The following PSMD2 variants were observed in gnomAD, a reference collection of about 807,000 sequenced individuals.
PSMD2 encodes proteasome 26S subunit ubiquitin receptor, non-ATPase 2.
PSMD2 carries 8 observed loss-of-function variants against 101.5 expected under a neutral mutation model. That is an observed-to-expected ratio of 0.08 (90% confidence interval 0.05 to 0.14). The LOEUF is 0.14. Ranked by LOEUF, PSMD2 falls within the 10% of genes least tolerant of loss-of-function variation. PSMD2 has a pLI of 1.00. For missense variants in PSMD2, 784 were observed against 1,147.4 expected (o/e 0.68, Z 4.58); for synonymous variants, 418 against 433.8 (o/e 0.96, Z 0.45).
chr3:184,304,054 G>A lies in PSMD2; in HGVS notation c.1431G>A (p.Met477Ile), dbSNP rs1344991750. ...SDYVLHNSNT[M>I]RLGSIFGLGL... ...ATGTTCTCCACAACAGCAACACCATGAGACTTGGTTCCATCTTTGGGTAAG... is the reference window on the plus strand; with the variant it reads ...ATGTTCTCCACAACAGCAACACCATAAGACTTGGTTCCATCTTTGGGTAAG... Residue 477 changes from methionine to isoleucine, a missense_variant, in exon 11 of 21, where the codon ATG becomes ATA. Transcript: ENST00000310118. The surrounding 1 kb of genome is among the most constrained non-coding windows in gnomAD (Gnocchi z 4.1). 2 of 1,614,042 alleles carry A rather than the reference G, an allele frequency of 1.2e-6. No homozygotes were observed. The highest frequency in any genetic ancestry group is 2.2e-5 in the East Asian group (1 of 44,900).
rs1721702464 is a variant in PSMD2 at position 184,303,077 on chromosome 3, CTG to C, written c.1069+19_1069+20del. 1.9e-6 allele frequency: 3 copies of C among 1,611,726 alleles called. No individual in the cohort carries two copies. Among genetic ancestry groups the C allele is most frequent in the Middle Eastern group, 1.7e-4 (1 of 6,058 alleles). ...AGAGAACAACAGTGAGTAGCCCTCT[CTG>C]TGTATGGGATTTGGGGGATTGTAGG... On this transcript the variant is annotated intron_variant, in intron 8 of 20. Coordinates refer to ENST00000310118, the MANE Select transcript of PSMD2 (RefSeq NM_002808.5).
rs753859114 is a variant in PSMD2 at position 184,305,721 on chromosome 3, A to C, written c.1540-47A>C. 6.4e-6 allele frequency: 10 copies of C among 1,553,058 alleles called. No homozygotes were observed. The South Asian group carries it at 1.1e-4, about 18-fold the overall frequency. ...TAGGCTATCTTGAATCAAGACATAA[A>C]TATTTTAATAACTTACTCTGTGTAA... On this transcript the variant is annotated intron_variant, in intron 12 of 20. Coordinates refer to ENST00000310118, the MANE Select transcript of PSMD2 (RefSeq NM_002808.5).
At position 184,306,447 on chromosome 3, in the gene PSMD2, G is replaced by T; in HGVS notation, c.1902G>T (p.Lys634Asn). 1 of 1,614,182 alleles carries T rather than the reference G, an allele frequency of 6.2e-7. No homozygotes were observed. Among genetic ancestry groups the T allele is most frequent in the Non-Finnish European group, 8.5e-7 (1 of 1,180,034 alleles). The change falls in exon 15 of 21, where the codon AAG (lysine) becomes AAT (asparagine). Residue 634 changes from lysine (K) to asparagine (N), a missense_variant. Transcript: ENST00000310118. ...AGGAAGACAAAGACAAGAAGGAAAAGAAAGACAAGGACAAGAAGGAAGCCC... is the reference window on the plus strand; with the variant it reads ...AGGAAGACAAAGACAAGAAGGAAAATAAAGACAAGGACAAGAAGGAAGCCC... ...EKEEDKDKKE[K>N]KDKDKKEAPA...
chr3:184,307,587 C>T (rs913758234), intron 17 of PSMD2, 27 bp from the exon 18 acceptor site: 2 of 1,613,578 alleles, frequency 1.2e-6, no homozygotes, highest in African/African-American at 2.7e-5. Flanking sequence ...CCCCTTTTTT[C>T]ACTTCTGTAA....
chr3:184,303,195 G>C (rs532042797), intron 8 of PSMD2, 125 bp from the exon 9 acceptor site: 28 of 1,486,302 alleles, frequency 1.9e-5, no homozygotes, highest in East Asian at 1.6e-4. Flanking sequence ...GTCACTGCTT[G>C]GGGGGGTATA....
chr3:184,299,562 C>T, intron 1 of PSMD2, 161 bp downstream of exon 1: 1 of 1,046,186 alleles, frequency 9.6e-7, no homozygotes, highest in Non-Finnish European at 1.3e-6. Flanking sequence ...GCTCCTCATT[C>T]TCCGTTCCGC....
Position 184,302,796 on chromosome 3 carries a change from C to T in PSMD2, c.981C>T (p.Asn327=). The T allele has an allele frequency of 6.2e-7, 1 of 1,614,190 alleles. No homozygotes were observed. The highest frequency in any genetic ancestry group is 8.5e-7 in the Non-Finnish European group (1 of 1,180,044). ...LTEIMSNVQL[N]SNFLALAREL... is the part of the protein sequence containing the mutation. ...AGATCATGTCCAATGTACAGCTCAACAGCAACTTCTTGGCCTTAGCTCGGG... is the reference window on the plus strand; with the variant it reads ...AGATCATGTCCAATGTACAGCTCAATAGCAACTTCTTGGCCTTAGCTCGGG... The change falls in exon 7 of 21, where the codon AAC becomes AAT. Residue 327 remains asparagine, a synonymous_variant. Transcript: ENST00000310118.
chr3:184,300,392 A>T lies in PSMD2; in HGVS notation c.305A>T (p.His102Leu). 6.2e-7 allele frequency: 1 copy of T among 1,614,108 alleles called. No individual in the cohort carries two copies. Among genetic ancestry groups the T allele is most frequent in the Non-Finnish European group, 8.5e-7 (1 of 1,179,972 alleles). Residue 102 changes from histidine (H) to leucine (L), a missense_variant, in exon 3 of 21, where the codon CAC becomes CTC. Physicochemically the swap from His to Leu is moderately conservative, Grantham distance 99 (BLOSUM62 -3). Coordinates refer to ENST00000310118, the MANE Select transcript of PSMD2 (RefSeq NM_002808.5). ...AAGCCTCTCAAATTTCTGCGTCCAC[A>T]CTATGGCAAACTGAAGGAAATCTAT... Reference protein sequence around the residue: ...VPKPLKFLRPHYGKLKEIYEN... With the variant: ...VPKPLKFLRPLYGKLKEIYEN...
Position 184,304,155 on chromosome 3 carries a change from T to C in PSMD2, c.1451+81T>C, listed in dbSNP as rs1721744360. 3 of 1,582,764 alleles carry C rather than the reference T, an allele frequency of 1.9e-6. No homozygotes were observed. The highest frequency in any genetic ancestry group is 1.7e-6 in the Non-Finnish European group (2 of 1,152,434). Reference sequence around the variant, plus strand: ...AGGAACTGGGCCCTTTTCACCCATATTGCCAAGGGCTACCACTGTGCCTAT... The same window carrying C: ...AGGAACTGGGCCCTTTTCACCCATACTGCCAAGGGCTACCACTGTGCCTAT... On this transcript the variant is annotated intron_variant, in intron 11 of 20. Coordinates refer to ENST00000310118, the MANE Select transcript of PSMD2 (RefSeq NM_002808.5). The surrounding 1 kb of genome is among the most constrained non-coding windows in gnomAD (Gnocchi z 4.1).
Position 184,304,263 on chromosome 3 carries a change from T to C in PSMD2, c.1452-41T>C. The C allele has an allele frequency of 1.3e-6, 2 of 1,589,924 alleles. No homozygotes were observed. The highest frequency in any genetic ancestry group is 2.2e-5 in the South Asian group (2 of 90,622). On this transcript the variant is annotated intron_variant, in intron 11 of 20. Coordinates refer to ENST00000310118, the MANE Select transcript of PSMD2 (RefSeq NM_002808.5). This position sits in a 1 kb window ranked among gnomAD's most constrained non-coding sequence, Gnocchi z 4.1. The stretch of plus-strand genomic sequence containing the variant: ...CTTTTGTTCTTTTCTTGCTGCATCG[T>C]TGGGTATGTGTTGGGGACCGCCTTT...
chr3:184,300,025 A>T, intron 2 of PSMD2, 118 bp downstream of exon 2: 1 of 1,012,206 alleles, frequency 9.9e-7, no homozygotes, highest in Non-Finnish European at 1.6e-6. Flanking sequence ...TGTTATGATG[A>T]TGTTGGGAGG....
intron 12 of PSMD2, among the ~76,000 whole-genome samples, chr3:184,305,282 A>G (rs1176311977): frequency 2.6e-5 from 4 of 152,160 alleles, no homozygotes; most frequent in African/African-American, 9.7e-5. Context: ...TAAGGTCAAG[A>G]GATCAAGACC....
At chr3:184,306,636 A>G in intron 15 of PSMD2, 115 bp from the exon 16 acceptor site, 1 of 1,517,746 alleles carries the variant, frequency 6.6e-7, no homozygotes, top group East Asian at 2.3e-5. Context: ...TCTGTATGTA[A>G]GGGGTAAAGG....
rs1164122668 is a variant in PSMD2, at chr3:184,305,938, G to C, written c.1702+8G>C. On this transcript the variant is annotated splice_region_variant and intron_variant, in intron 13 of 20. Coordinates refer to ENST00000310118, the MANE Select transcript of PSMD2 (RefSeq NM_002808.5). ...TGGGTCTCAACCACCTGGGTGAGGG[G>C]ATGTTTCTATTTGGGCAAAGAGCTG... is the stretch of plus-strand genomic sequence containing the variant. 1.2e-6 allele frequency: 2 copies of C among 1,613,914 alleles called. No homozygotes were observed. Among genetic ancestry groups the C allele is most frequent in the Non-Finnish European group, 1.7e-6 (2 of 1,179,928 alleles).
chr3:184,306,754 G>A lies in PSMD2; in HGVS notation c.1954G>A (p.Val652Met), dbSNP rs940656565. Residue 652 changes from valine (V) to methionine (M), a missense_variant, in exon 16 of 21, where the codon GTG becomes ATG. Physicochemically the swap from Val to Met is conservative, Grantham distance 21. This residue lies in a region of PSMD2 where 282 missense variants were observed against 437.6 expected (regional missense o/e 0.64). Transcript: ENST00000310118. ...APADMGAHQG[V>M]AVLGIALIAM... The stretch of plus-strand genomic sequence containing the variant: ...TCTGCTCTCTCTTCAATTGCAGGGA[G>A]TGGCTGTTCTGGGGATTGCCCTTAT... 5 of 1,613,424 alleles carry A rather than the reference G, an allele frequency of 3.1e-6. No individual in the cohort carries two copies. The highest frequency in any genetic ancestry group is 1.3e-5 in the African/African-American group (1 of 74,884).
rs894883769 is a variant in PSMD2 at position 184,301,025 on chromosome 3, G to A, written c.358-512G>A. On this transcript the variant is annotated intron_variant, in intron 3 of 20. Transcript: ENST00000310118. ...ATCCCTCATTTATCACCCTTCAGCT[G>A]TGTTAGTTTAAAAGGAAGACAGTGG... Among the ~76,000 whole-genome samples, 5 of 151,990 alleles carry A rather than the reference G, an allele frequency of 3.3e-5. No homozygotes were observed. The East Asian group carries it at 9.6e-4, about 29-fold the overall frequency.
intron 15 of PSMD2, 74 bp from the exon 16 acceptor site, chr3:184,306,677 G>A: frequency 6.5e-7 from 1 of 1,545,912 alleles, no homozygotes; most frequent in South Asian, 1.2e-5. Flanking sequence ...TTTATTTTCA[G>A]ATGGGACTTG....
At position 184,302,353 on chromosome 3, in the gene PSMD2, T is replaced by A; in HGVS notation, c.705-17T>A. The A allele has an allele frequency of 6.2e-7, 1 of 1,604,260 alleles. No homozygotes were observed. The highest frequency in any genetic ancestry group is 2.2e-5 in the East Asian group (1 of 44,802). On this transcript the variant is annotated splice_polypyrimidine_tract_variant and intron_variant, in intron 5 of 20. Coordinates refer to ENST00000310118, the MANE Select transcript of PSMD2 (RefSeq NM_002808.5). ...GCCTGGGACTTTCTGAATTCTTTGTTACTTTTACTTTTGTAGTTGTGTGAA... is the reference window on the plus strand; with the variant it reads ...GCCTGGGACTTTCTGAATTCTTTGTAACTTTTACTTTTGTAGTTGTGTGAA...
rs376490323 is a variant in PSMD2 at position 184,306,109 on chromosome 3, A to G, written c.1758A>G (p.Pro586=). Residue 586 remains proline (P), a synonymous_variant, in exon 14 of 21, where the codon CCA becomes CCG. Transcript: ENST00000310118. The stretch of plus-strand genomic sequence containing the variant: ...CTGCACTGGAGGTTGTGTCAGAGCC[A>G]TTCCGCAGTTTTGCCAACACACTGG... ...ILAALEVVSE[P]FRSFANTLVD... 1.9e-6 allele frequency: 3 copies of G among 1,614,102 alleles called. No homozygotes were observed. Among genetic ancestry groups the G allele is most frequent in the African/African-American group, 2.7e-5 (2 of 74,924 alleles).
Sources: allele counts gnomAD v4.1 joint callset (sites outside exome capture counted in the v4.1 genomes callset), GRCh38; gene constraint gnomAD v4.1.1; regional missense constraint gnomAD v4.1.1; non-coding constraint Gnocchi (gnomAD v3.1); transcripts MANE v1.5; gene names NCBI Gene and HGNC (gene_info 2026-07-23, HGNC 2026-07-21).